Variants in CNTN5 observed in about 807,000 individuals in gnomAD.
The protein encoded by CNTN5 is contactin-5.
CNTN5 carries 77 observed loss-of-function variants against 129.1 expected under a neutral mutation model. The observed-to-expected ratio is 0.60, with a 90% CI of 0.50 to 0.72. CNTN5 has a LOEUF of 0.72. CNTN5 is among the 30% of genes least tolerant of loss of function. CNTN5 has a pLI of 0.00. For missense variants in CNTN5, 1,478 were observed against 1,328.8 expected (o/e 1.11, Z -1.75); for synonymous variants, 509 against 465.6 (o/e 1.09, Z -1.20).
chr11:99,946,806 A>ATTAT (rs71463599), intron 7 of CNTN5, among the ~76,000 whole-genome samples: 62,335 of 151,410 alleles, frequency 0.41, 13,105 homozygotes, highest in African/African-American at 0.48. Flanking sequence ...TAAATCCCCT[A>ATTAT]TTAGTACTAG....
chr11:99,517,436 T>A (rs79023052), intron 2 of CNTN5, among the ~76,000 whole-genome samples: 7,706 of 152,084 alleles, frequency 0.051, 196 homozygotes, highest in South Asian at 0.079. Context: ...TTTCATAGGA[T>A]GTACTCCGAA....
At chr11:99,556,978 G>T (rs1948694438) in intron 3 of CNTN5, among the ~76,000 whole-genome samples, 1 of 151,154 alleles carries the variant, frequency 6.6e-6, no homozygotes, top group Non-Finnish European at 1.5e-5. Context: ...AAATTAAATT[G>T]TGGTCATAAT....
chr11:99,909,267 T>C (rs559021756), intron 6 of CNTN5, among the ~76,000 whole-genome samples: 64 of 152,206 alleles, frequency 4.2e-4, no homozygotes, highest in African/African-American at 1.5e-3. Context: ...TGAGATACCA[T>C]CTCACACCAG....
intron 1 of CNTN5, among the ~76,000 whole-genome samples, chr11:99,073,091 A>G (rs1445573418): frequency 1.3e-5 from 2 of 152,196 alleles, no homozygotes; most frequent in East Asian, 3.9e-4. Flanking sequence ...ATTGCTATAT[A>G]GTATTCCATA....
At chr11:99,956,211 A>G (rs781128837) in intron 7 of CNTN5, among the ~76,000 whole-genome samples, 5 of 152,100 alleles carry the variant, frequency 3.3e-5, no homozygotes, top group Non-Finnish European at 5.9e-5. Context: ...ATGAACCTCA[A>G]AAAGTTAGTT....
In CNTN5 at chr11:99,347,905, G is replaced by A. The variant is rs566281667; in HGVS notation, c.-71+22421G>A. On this transcript the variant is annotated intron_variant, in intron 2 of 24. Coordinates refer to ENST00000524871, the MANE Select transcript of CNTN5 (RefSeq NM_014361.4). The stretch of plus-strand genomic sequence containing the variant: ...GTTTTGTATATTACTTTAAAAATAC[G>A]ATCAAGGTGTAAAGTTTGTTGTAGG... 5.3e-5 allele frequency among the ~76,000 whole-genome samples: 8 copies of A among 152,192 alleles called. No homozygotes were observed. The East Asian group carries it at 7.7e-4, about 15-fold the overall frequency.
rs1471373867 is a variant in CNTN5, at chr11:100,357,484, G to A, written c.*1264G>A. ...CTAGAGAGTTGTTGGAAAATGAGAT[G>A]AAAATTTTCTACTTGATGATATCTT... On this transcript the variant is annotated 3_prime_UTR_variant, in exon 25 of 25. Coordinates refer to ENST00000524871, the MANE Select transcript of CNTN5 (RefSeq NM_014361.4). 1 of 151,604 alleles carries A rather than the reference G, an allele frequency of 6.6e-6. No individual in the cohort carries two copies. The highest frequency in any genetic ancestry group is 1.5e-5 in the Non-Finnish European group (1 of 67,748). 9.4% of individuals were successfully genotyped at this position (151,604 alleles called of 1,614,324 possible).
rs189528425 is a variant in CNTN5, at chr11:99,423,027, A to G, written c.-71+97543A>G. 3.4e-3 allele frequency among the ~76,000 whole-genome samples: 518 copies of G among 152,342 alleles called. 3 individuals are homozygous for G. Among genetic ancestry groups the G allele is most frequent in the African/African-American group, 0.011 (476 of 41,596 alleles). On this transcript the variant is annotated intron_variant, in intron 2 of 24. Coordinates refer to ENST00000524871, the MANE Select transcript of CNTN5 (RefSeq NM_014361.4). ...TGTAAATAGAATGTGATGCAATCAC[A>G]GGAAATACACTAAGAGACTGCAGGT...
At chr11:99,791,813 T>A (rs982097364) in intron 3 of CNTN5, among the ~76,000 whole-genome samples, 2 of 152,156 alleles carry the variant, frequency 1.3e-5, no homozygotes, top group Non-Finnish European at 2.9e-5. Context: ...ATTTTAGAGA[T>A]CTTTCACCTC....
At chr11:99,803,944 T>C (rs1946191180) in intron 3 of CNTN5, among the ~76,000 whole-genome samples, 1 of 152,184 alleles carries the variant, frequency 6.6e-6, no homozygotes, top group Non-Finnish European at 1.5e-5. Flanking sequence ...CATCTTAAAA[T>C]TCTCTAATCT....
At chr11:99,236,373 A>G (rs7125605) in intron 1 of CNTN5, among the ~76,000 whole-genome samples, 128,228 of 151,990 alleles carry the variant, frequency 0.84, 54,232 homozygotes, top group East Asian at 0.94. Context: ...AGATATGCAG[A>G]GCTACTAGCC....
At chr11:99,675,013 G>GGTTTTGTTTTGTTTTGTTTTGTTTT (rs141283660) in intron 3 of CNTN5, among the ~76,000 whole-genome samples, 1 of 149,468 alleles carries the variant, frequency 6.7e-6, no homozygotes, top group East Asian at 2.0e-4. Context: ...GCATTTTTCT[G>GGTTTTGTTTTGTTTTGTTTTGTTTT]GTTTTGTTTT....
At chr11:99,455,989 G>A (rs1223009475) in intron 2 of CNTN5, among the ~76,000 whole-genome samples, 2 of 152,082 alleles carry the variant, frequency 1.3e-5, no homozygotes, top group Non-Finnish European at 2.9e-5. Context: ...ACAACCAGGA[G>A]CTCTGTCAAC....
At chr11:99,844,755 G>A (rs1947627429) in intron 4 of CNTN5, 97 bp from the exon 5 acceptor site, 1 of 1,205,848 alleles carries the variant, frequency 8.3e-7, no homozygotes, top group Non-Finnish European at 1.2e-6. Context: ...CAAGAAAAGA[G>A]CAAGAATTTT....
chr11:99,601,091 A>C (rs562489722), intron 3 of CNTN5, among the ~76,000 whole-genome samples: 1 of 152,166 alleles, frequency 6.6e-6, no homozygotes, highest in Non-Finnish European at 1.5e-5. Context: ...TTTTATCTCC[A>C]AAGTTTGGCA....
At chr11:99,241,423 G>A in intron 1 of CNTN5, among the ~76,000 whole-genome samples, 1 of 140,744 alleles carries the variant, frequency 7.1e-6, no homozygotes, top group East Asian at 2.2e-4. Context: ...ATTAGGAACT[G>A]ATCTGAAAAT....
chr11:99,670,824 ACT>A (rs1216133454), intron 3 of CNTN5, among the ~76,000 whole-genome samples: 2 of 151,954 alleles, frequency 1.3e-5, no homozygotes, highest in Admixed American at 6.6e-5. Context: ...CGCATTTTGA[ACT>A]CTCTGTGTTA....
intron 13 of CNTN5, among the ~76,000 whole-genome samples, chr11:100,097,214 T>C (rs1401217145): frequency 6.6e-6 from 1 of 152,132 alleles, no homozygotes; most frequent in Non-Finnish European, 1.5e-5. Context: ...GCAGCTTTTA[T>C]TCAAGATGGA....
At chr11:99,363,911 GAAC>G (rs1200912612) in intron 2 of CNTN5, among the ~76,000 whole-genome samples, 1 of 151,912 alleles carries the variant, frequency 6.6e-6, no homozygotes, top group Non-Finnish European at 1.5e-5. Context: ...GAGAAACAGA[GAAC>G]AAAAATTCTC....
Sources: gnomAD v4.1 joint callset for allele counts (sites outside exome capture counted in the v4.1 genomes callset) on GRCh38, gnomAD v4.1.1 for gene constraint, MANE v1.5 for transcripts, NCBI Gene and HGNC (gene_info 2026-07-23, HGNC 2026-07-21) for gene names.